The following UBE2E2 variants were observed in gnomAD, a reference collection of about 807,000 sequenced individuals.
UBE2E2 encodes ubiquitin conjugating enzyme E2 E2, also known as ubiquitin-conjugating enzyme E2 E2.
A neutral mutation model predicts 24.7 loss-of-function variants in UBE2E2; 6 were observed. That is an observed-to-expected ratio of 0.24 (90% CI 0.13 to 0.48). The LOEUF (loss-of-function observed/expected upper bound fraction) is 0.48. UBE2E2 is among the 20% of genes least tolerant of loss of function. The pLI, the probability that UBE2E2 is intolerant of heterozygous loss-of-function variation, is 0.99. For synonymous variants in UBE2E2, 104 were observed against 83.6 expected, an observed-to-expected ratio of 1.24 and a Z score of -1.33; for missense variants, 169 against 245.0, an observed-to-expected ratio of 0.69 and a Z score of 2.07.
intron 3 of UBE2E2, among the ~76,000 whole-genome samples, chr3:23,218,830 CAA>C: frequency 6.6e-6 from 1 of 152,048 alleles, no homozygotes; most frequent in East Asian, 1.9e-4. Context: ...TTTAAATAAA[CAA>C]ATAATTGAAC....
chr3:23,258,263 C>T (rs986267442), intron 3 of UBE2E2, among the ~76,000 whole-genome samples: 5 of 151,970 alleles, frequency 3.3e-5, no homozygotes, highest in African/African-American at 4.8e-5. Flanking sequence ...CAGATATTTT[C>T]GGTAGGACAA....
At chr3:23,245,121 G>A (rs1049558169) in intron 3 of UBE2E2, among the ~76,000 whole-genome samples, 1 of 151,978 alleles carries the variant, frequency 6.6e-6, no homozygotes, top group Non-Finnish European at 1.5e-5. Flanking sequence ...AGGTACTGTG[G>A]AGATACAAAA....
At chr3:23,286,202 G>A (rs73037748) in intron 3 of UBE2E2, among the ~76,000 whole-genome samples, 27,727 of 151,936 alleles carry the variant, frequency 0.18, 2,691 homozygotes, top group Non-Finnish European at 0.21. Flanking sequence ...GCCCATTTTT[G>A]CTTTAGTTTC....
intron 3 of UBE2E2, among the ~76,000 whole-genome samples, chr3:23,269,894 C>T (rs1030673965): frequency 2.6e-5 from 4 of 152,168 alleles, no homozygotes; most frequent in Non-Finnish European, 5.9e-5. Context: ...TAACATGTTT[C>T]TCAGCCGTAG....
At chr3:23,542,381 A>G (rs745715913) in intron 5 of UBE2E2, among the ~76,000 whole-genome samples, 12 of 152,188 alleles carry the variant, frequency 7.9e-5, no homozygotes, top group Non-Finnish European at 1.0e-4. Flanking sequence ...CAATTTGGTA[A>G]AAGTTTGTAA....
At chr3:23,302,126 T>A (rs1699113406) in intron 3 of UBE2E2, among the ~76,000 whole-genome samples, 1 of 152,154 alleles carries the variant, frequency 6.6e-6, no homozygotes. Flanking sequence ...TCTCCATGAT[T>A]ACTTTAGGTT....
chr3:23,204,688 A>G (rs1170250786), intron 1 of UBE2E2: 2 of 985,138 alleles, frequency 2.0e-6, no homozygotes, highest in Admixed American at 1.2e-4. Flanking sequence ...CCCCTGCAGC[A>G]CCTTTTACCC....
intron 4 of UBE2E2, among the ~76,000 whole-genome samples, chr3:23,522,947 A>G (rs973242302): frequency 3.9e-5 from 6 of 152,200 alleles, no homozygotes; most frequent in Admixed American, 1.3e-4. Context: ...TGTCTGTACC[A>G]TGATACAATC....
At chr3:23,375,247 TA>T (rs924467904) in intron 3 of UBE2E2, among the ~76,000 whole-genome samples, 2 of 152,200 alleles carry the variant, frequency 1.3e-5, no homozygotes, top group African/African-American at 4.8e-5. Flanking sequence ...TCTAATTTTA[TA>T]ATTGACCCAT....
intron 3 of UBE2E2, among the ~76,000 whole-genome samples, chr3:23,393,471 T>C (rs1697001891): frequency 6.6e-6 from 1 of 152,186 alleles, no homozygotes; most frequent in Admixed American, 6.5e-5. Context: ...TTGTAAATTA[T>C]CAGGTCCTGC....
intron 3 of UBE2E2, among the ~76,000 whole-genome samples, chr3:23,476,748 T>C (rs1699147443): frequency 6.6e-6 from 1 of 152,184 alleles, no homozygotes; most frequent in Non-Finnish European, 1.5e-5. Context: ...TGATTTTTAA[T>C]TTTACCATGT....
At chr3:23,446,698 G>GTT (rs1698436642) in intron 3 of UBE2E2, among the ~76,000 whole-genome samples, 2 of 75,440 alleles carry the variant, frequency 2.7e-5, no homozygotes. Flanking sequence ...CCGTCTGTTT[G>GTT]GTTTTTTTTT....
At chr3:23,372,140 C>A (rs1696413770) in intron 3 of UBE2E2, among the ~76,000 whole-genome samples, 1 of 151,986 alleles carries the variant, frequency 6.6e-6, no homozygotes, top group Non-Finnish European at 1.5e-5. Context: ...AGAAAAAAGT[C>A]ATTGAGCTGT....
chr3:23,371,178 T>C (rs1696390458), intron 3 of UBE2E2, among the ~76,000 whole-genome samples: 1 of 152,020 alleles, frequency 6.6e-6, no homozygotes, highest in East Asian at 1.9e-4. Context: ...TACAGCTGCA[T>C]GCCACCGCAC....
At chr3:23,322,957 T>C (rs1284943633) in intron 3 of UBE2E2, among the ~76,000 whole-genome samples, 2 of 151,990 alleles carry the variant, frequency 1.3e-5, no homozygotes, top group African/African-American at 2.4e-5. Flanking sequence ...TCTTGTCTCC[T>C]TTCACAACAT....
intron 3 of UBE2E2, among the ~76,000 whole-genome samples, chr3:23,319,944 A>T (rs926908340): frequency 6.6e-6 from 1 of 152,114 alleles, no homozygotes; most frequent in Non-Finnish European, 1.5e-5. Flanking sequence ...CATAGCTGAG[A>T]TCCCTAAGAT....
intron 3 of UBE2E2, among the ~76,000 whole-genome samples, chr3:23,253,313 G>C (rs1052376567): frequency 6.6e-6 from 1 of 152,190 alleles, no homozygotes; most frequent in African/African-American, 2.4e-5. Context: ...GAGACAGGCA[G>C]AGAATGACAA....
chr3:23,549,936 G>C (rs1414655337), intron 5 of UBE2E2, among the ~76,000 whole-genome samples: 1 of 151,800 alleles, frequency 6.6e-6, no homozygotes, highest in African/African-American at 2.4e-5. Context: ...AGGAGGCTAA[G>C]GCAGGAGAAT....
At chr3:23,466,697 A>G (rs994723680) in intron 3 of UBE2E2, among the ~76,000 whole-genome samples, 1 of 152,020 alleles carries the variant, frequency 6.6e-6, no homozygotes, top group African/African-American at 2.4e-5. Context: ...CCTCCTGAGT[A>G]GCTTGGACTA....
Sources: gnomAD v4.1 joint callset for allele counts (sites outside exome capture counted in the v4.1 genomes callset) on GRCh38, gnomAD v4.1.1 for gene constraint, MANE v1.5 for transcripts, NCBI Gene and HGNC (gene_info 2026-07-23, HGNC 2026-07-21) for gene names.